Variants in USP18 observed in about 807,000 individuals in gnomAD.
USP18 encodes the protein ubl carboxyl-terminal hydrolase 18.
USP18 carries 11 observed loss-of-function variants against 48.7 expected under a neutral mutation model. That is an observed-to-expected ratio of 0.23 (90% CI 0.14 to 0.37). USP18 has a LOEUF of 0.37. Among genes scored for constraint, USP18 ranks in the 10% least tolerant of loss-of-function variants. The pLI, the probability that USP18 is intolerant of heterozygous loss-of-function variation, is 1.00. For missense variants in USP18, 285 were observed against 436.4 expected (o/e 0.65, Z 3.09); for synonymous variants, 114 against 163.2 (o/e 0.70, Z 2.30).
chr22:18,172,868 C>T (rs1183660726), intron 8 of USP18, among the ~76,000 whole-genome samples: 1 of 150,048 alleles, frequency 6.7e-6, no homozygotes, highest in Non-Finnish European at 1.5e-5. Context: ...GATCCCCACC[C>T]CTCCCAGGGG....
chr22:18,172,009 G>A (rs987278607), intron 8 of USP18, among the ~76,000 whole-genome samples: 17 of 152,000 alleles, frequency 1.1e-4, no homozygotes, highest in African/African-American at 3.4e-4. Context: ...AGTGGGTCAC[G>A]CCTGTAATCT....
chr22:18,173,019 T>A (rs912715769), intron 8 of USP18, 131 bp from the exon 9 acceptor site: 3 of 1,507,658 alleles, frequency 2.0e-6, no homozygotes, highest in Non-Finnish European at 2.7e-6. Flanking sequence ...GGGTGCCCAC[T>A]GGCTGTGGGT....
intron 10 of USP18, among the ~76,000 whole-genome samples, chr22:18,174,342 C>T (rs1392374907): frequency 2.0e-5 from 3 of 151,984 alleles, no homozygotes; most frequent in Non-Finnish European, 4.4e-5. Flanking sequence ...ATTCTCCTGC[C>T]TCAGCCTCCT....
chr22:18,152,564 G>C (rs1209581518), intron 1 of USP18, among the ~76,000 whole-genome samples: 1 of 151,808 alleles, frequency 6.6e-6, no homozygotes, highest in African/African-American at 2.4e-5. Flanking sequence ...AAGACCCCGC[G>C]CCTGGCCTGG....
intron 4 of USP18, among the ~76,000 whole-genome samples, chr22:18,164,762 G>T (rs1379303134): frequency 2.0e-5 from 3 of 152,146 alleles, no homozygotes; most frequent in African/African-American, 7.2e-5. Context: ...TGGTCGCAGA[G>T]GATTCATAAC....
intron 1 of USP18, among the ~76,000 whole-genome samples, chr22:18,152,129 C>T (rs1929015025): frequency 6.6e-6 from 1 of 152,164 alleles, no homozygotes; most frequent in Admixed American, 6.5e-5. Context: ...CTGCGGTCTA[C>T]AATTGTGGTT....
At chr22:18,172,529 T>C (rs1186930227) in intron 8 of USP18, among the ~76,000 whole-genome samples, 1 of 151,908 alleles carries the variant, frequency 6.6e-6, no homozygotes, top group Non-Finnish European at 1.5e-5. Flanking sequence ...TCCGCTCCTT[T>C]TCTTTTCCTT....
At position 18,157,622 on chromosome 22, in the gene USP18, G is replaced by C; in HGVS notation, c.-42G>C. On this transcript the variant is annotated 5_prime_UTR_variant, in exon 2 of 11. Transcript: ENST00000215794. ...AGTGAAGTCGTGCTGTCCTGAACGC[G>C]GGCCAGGCAGCTGCGGCCTGGGGGT... 6.2e-7 allele frequency: 1 copy of C among 1,612,466 alleles called. No homozygotes were observed.
At chr22:18,173,967 G>T in intron 10 of USP18, 125 bp downstream of exon 10, 3 of 1,391,100 alleles carry the variant, frequency 2.2e-6, no homozygotes, top group Non-Finnish European at 3.0e-6. Flanking sequence ...CTCATCTCCA[G>T]CACTCACCCC....
At chr22:18,153,609 G>T (rs1314365240) in intron 1 of USP18, among the ~76,000 whole-genome samples, 1 of 151,946 alleles carries the variant, frequency 6.6e-6, no homozygotes, top group African/African-American at 2.4e-5. Context: ...TTTATTTTTA[G>T]AAAATAAAAT....
rs1448344852 is a variant in USP18, at chr22:18,161,644, C to T, written c.255-146C>T. On this transcript the variant is annotated intron_variant, in intron 3 of 10. Coordinates refer to ENST00000215794, the MANE Select transcript of USP18 (RefSeq NM_017414.4). ...GAAAAATTCTGATAACTGCCCGCGC[C>T]CCGCCCCCCGGACCCAGAATTCTGG... 7 of 769,680 alleles carry T rather than the reference C, an allele frequency of 9.1e-6. No individual in the cohort carries two copies. The African/African-American group carries it at 1.7e-4, about 19-fold the overall frequency. The allele number at this position is 769,680 out of a possible 1,614,324, so 47.7% of individuals were successfully genotyped here.
intron 2 of USP18, among the ~76,000 whole-genome samples, chr22:18,159,278 A>G (rs1929253492): frequency 6.6e-6 from 1 of 150,958 alleles, no homozygotes; most frequent in Non-Finnish European, 1.5e-5. Context: ...CTGGTATTGA[A>G]CTCCTGACCT....
Position 18,161,846 on chromosome 22 carries a change from T to G in USP18, c.311T>G (p.Leu104Arg). Residue 104 changes from leucine (L) to arginine (R), a missense_variant, in exon 4 of 11, where the codon CTT (leucine) becomes CGT (arginine). This residue lies in a region of USP18 where 199 missense variants were observed against 239.6 expected (regional missense o/e 0.83). Coordinates refer to ENST00000215794, the MANE Select transcript of USP18 (RefSeq NM_017414.4). The stretch of plus-strand genomic sequence containing the variant: ...AGGAGAAGCGTCCCTTTCCAGATGC[T>G]TCTGCTGCTGGAGAAGATGCAGGAC... ...EQRRSVPFQM[L>R]LLLEKMQDSR... 6.2e-7 allele frequency: 1 copy of G among 1,613,440 alleles called. No individual in the cohort carries two copies. Among genetic ancestry groups the G allele is most frequent in the East Asian group, 2.2e-5 (1 of 44,852 alleles).
chr22:18,160,133 A>G (rs1483090809), intron 2 of USP18, 39 bp from the exon 3 acceptor site: 1 of 1,591,858 alleles, frequency 6.3e-7, no homozygotes, highest in African/African-American at 1.3e-5. Context: ...TCTTTACCCT[A>G]GGCCTTGCCC....
At chr22:18,168,078 A>G in intron 6 of USP18, 42 bp downstream of exon 6, 1 of 1,607,344 alleles carries the variant, frequency 6.2e-7, no homozygotes, top group Non-Finnish European at 8.5e-7. Context: ...TGTATGTGTT[A>G]GTCCATTTTC....
chr22:18,157,803 C>T lies in USP18; in HGVS notation c.140C>T (p.Ala47Val). 1 of 1,614,078 alleles carries T rather than the reference C, an allele frequency of 6.2e-7. No individual in the cohort carries two copies. Among genetic ancestry groups the T allele is most frequent in the South Asian group, 1.1e-5 (1 of 91,064 alleles). Residue 47 changes from alanine to valine, a missense_variant, in exon 2 of 11, where the codon GCC becomes GTC. Ala to Val is a moderately conservative substitution (Grantham distance 64). Transcript: ENST00000215794. The stretch of plus-strand genomic sequence containing the variant: ...GAGCAGCCCAGAGAGCGTCCCAGGG[C>T]CTGGGACTACCCTCATGGTCATTAG... ...KREQPRERPR[A>V]WDYPHGLVGL...
At position 18,157,722 on chromosome 22, in the gene USP18, C is replaced by T; in HGVS notation, c.59C>T (p.Ser20Leu). The T allele has an allele frequency of 6.2e-7, 1 of 1,614,028 alleles. No individual in the cohort carries two copies. Among genetic ancestry groups the T allele is most frequent in the Non-Finnish European group, 8.5e-7 (1 of 1,180,016 alleles). ...TGTCAGTCCATCCTGGCTGAGTCCT[C>T]GCAGTCCCCGGCAGATCTTGAAGAA... is the stretch of plus-strand genomic sequence containing the variant. ...QICQSILAES[S>L]QSPADLEEKK... The change falls in exon 2 of 11, where the codon TCG becomes TTG. Residue 20 changes from serine (S) to leucine (L), a missense_variant. By Grantham distance (145) the Ser-to-Leu change is moderately radical. Around this residue, in one of 5 missense-constraint regions of USP18, gnomAD observed 199 missense variants for 239.6 expected, o/e 0.83. Transcript: ENST00000215794.
chr22:18,155,811 A>T (rs1796418151), intron 1 of USP18, among the ~76,000 whole-genome samples: 1 of 152,154 alleles, frequency 6.6e-6, no homozygotes, highest in Non-Finnish European at 1.5e-5. Flanking sequence ...CTCCCCGACC[A>T]GCGCCGCTCC....
chr22:18,154,025 T>A (rs957210986), intron 1 of USP18, among the ~76,000 whole-genome samples: 7 of 151,634 alleles, frequency 4.6e-5, no homozygotes, highest in Admixed American at 3.3e-4. Context: ...GCAGTAAACA[T>A]GAGAGTGCAA....
Sources: gnomAD v4.1 joint callset for allele counts (sites outside exome capture counted in the v4.1 genomes callset) on GRCh38, gnomAD v4.1.1 for gene constraint, gnomAD v4.1.1 regional missense constraint, MANE v1.5 for transcripts, NCBI Gene and HGNC (gene_info 2026-07-23, HGNC 2026-07-21) for gene names.